Variants in PDE10A observed in about 807,000 individuals in gnomAD.
PDE10A encodes cAMP and cAMP-inhibited cGMP 3',5'-cyclic phosphodiesterase 10A.
A neutral mutation model predicts 97.7 loss-of-function variants in PDE10A; 39 were observed. The observed-to-expected ratio is 0.40, with a 90% CI of 0.31 to 0.52. The LOEUF (loss-of-function observed/expected upper bound fraction) is 0.52. Ranked by LOEUF, PDE10A falls within the 20% of genes least tolerant of loss-of-function variation. The pLI, the probability that PDE10A is intolerant of heterozygous loss-of-function variation, is 0.56. For missense variants in PDE10A, 731 were observed against 1,047.8 expected, an observed-to-expected ratio of 0.70 and a Z score of 4.17; for synonymous variants, 371 against 376.8, an observed-to-expected ratio of 0.98 and a Z score of 0.18.
chr6:165,707,238 CA>C (rs1791732720), intron 1 of PDE10A, among the ~76,000 whole-genome samples: 2 of 152,226 alleles, frequency 1.3e-5, no homozygotes, highest in Non-Finnish European at 2.9e-5. Context: ...GCGGCTCCCC[CA>C]GTCCCGCCCT....
intron 1 of PDE10A, among the ~76,000 whole-genome samples, chr6:165,890,961 TTCC>T (rs915181864): frequency 6.6e-6 from 1 of 152,218 alleles, no homozygotes; most frequent in Non-Finnish European, 1.5e-5. Context: ...CTCTCTCAAA[TTCC>T]ACAAGATAAC....
At chr6:165,758,486 G>GAGAAAGAAGAAAGA (rs201748235) in intron 1 of PDE10A, among the ~76,000 whole-genome samples, 8 of 138,350 alleles carry the variant, frequency 5.8e-5, no homozygotes, top group African/African-American at 2.2e-4. Flanking sequence ...AAGAAGAAAG[G>GAGAAAGAAGAAAGA]AGAAAGAAGA....
intron 1 of PDE10A, among the ~76,000 whole-genome samples, chr6:165,841,155 C>T (rs1562763450): frequency 6.6e-6 from 1 of 152,352 alleles, no homozygotes; most frequent in East Asian, 1.9e-4. Flanking sequence ...TTTCAATCTA[C>T]TTTTGGAGTG....
intron 1 of PDE10A, among the ~76,000 whole-genome samples, chr6:165,740,316 AAGAGAG>A (rs60010542): frequency 0.032 from 4,669 of 146,610 alleles, 220 homozygotes; most frequent in African/African-American, 0.1. Context: ...TATGGAGAGA[AAGAGAG>A]AGAGAGAGAG....
chr6:165,874,914 A>C (rs1282457990), intron 1 of PDE10A, among the ~76,000 whole-genome samples: 3 of 152,184 alleles, frequency 2.0e-5, no homozygotes, highest in Non-Finnish European at 4.4e-5. Context: ...TAATCTGAGA[A>C]AGGACACTGG....
chr6:165,941,716 C>T (rs1783529620), intron 1 of PDE10A, among the ~76,000 whole-genome samples: 1 of 152,200 alleles, frequency 6.6e-6, no homozygotes, highest in South Asian at 2.1e-4. Flanking sequence ...CTTCCTGAGG[C>T]CTCCCTAAAA....
At chr6:165,802,299 C>T (rs1314914361) in intron 1 of PDE10A, among the ~76,000 whole-genome samples, 2 of 152,348 alleles carry the variant, frequency 1.3e-5, no homozygotes, top group African/African-American at 4.8e-5. Flanking sequence ...CCCTCCCATG[C>T]TTCATCCATC....
chr6:165,659,795 C>G (rs948123073), intron 1 of PDE10A, among the ~76,000 whole-genome samples: 3 of 152,154 alleles, frequency 2.0e-5, no homozygotes, highest in Non-Finnish European at 2.9e-5. Flanking sequence ...GTATTGTGTT[C>G]CTAAAGGGAG....
chr6:165,905,594 A>T (rs1782238289), intron 1 of PDE10A, among the ~76,000 whole-genome samples: 1 of 152,162 alleles, frequency 6.6e-6, no homozygotes, highest in South Asian at 2.1e-4. Flanking sequence ...ATATATTTTA[A>T]ATCGCCATTT....
chr6:165,625,356 G>GGAGTCCACAAGACTTGCTGTCTGGT (rs1788334035), intron 1 of PDE10A, among the ~76,000 whole-genome samples: 3 of 152,214 alleles, frequency 2.0e-5, no homozygotes. Flanking sequence ...GGGTGAAGCT[G>GGAGTCCACAAGACTTGCTGTCTGGT]GAGTCCACAA....
rs919147791 is a variant in PDE10A, at chr6:165,875,499, C to T, written c.-615+112030G>A. Among the ~76,000 whole-genome samples the T allele has an allele frequency of 7.2e-5, 11 of 152,072 alleles. No homozygotes were observed. In the East Asian group the frequency reaches 1.2e-3, roughly 16 times the overall value. The stretch of plus-strand genomic sequence containing the variant: ...TTCAGAGGGAATTATCTTATCAGCC[C>T]GAAAATGATTTCAATTTTAAATGCC... On this transcript the variant is annotated intron_variant, in intron 1 of 19. Coordinates refer to the PDE10A transcript ENST00000366882.
intron 1 of PDE10A, among the ~76,000 whole-genome samples, chr6:165,972,425 T>C (rs1014954229): frequency 6.6e-6 from 1 of 152,116 alleles, no homozygotes; most frequent in Non-Finnish European, 1.5e-5. Context: ...GTATGACCTA[T>C]GGCTGAGATG....
intron 1 of PDE10A, among the ~76,000 whole-genome samples, chr6:165,608,935 C>T (rs1787359339): frequency 6.6e-6 from 1 of 152,206 alleles, no homozygotes; most frequent in South Asian, 2.1e-4. Context: ...TGTTCATATC[C>T]TTCACCCACT....
rs577441396 is a variant in PDE10A at position 165,586,029 on chromosome 6, C to T, written c.866-42461G>A. On this transcript the variant is annotated intron_variant, in intron 1 of 21. Transcript: ENST00000539869. ...CCATACCCCATACCCCACAGTTCACCAATGTATAGTCAATCACTAATCAAT... is the reference window on the plus strand; with the variant it reads ...CCATACCCCATACCCCACAGTTCACTAATGTATAGTCAATCACTAATCAAT... Among the ~76,000 whole-genome samples the T allele has an allele frequency of 8.4e-4, 128 of 152,284 alleles. 5 individuals carry two copies. The South Asian group carries it at 0.026, about 31-fold the overall frequency.
intron 17 of PDE10A, among the ~76,000 whole-genome samples, chr6:165,387,333 G>A (rs1785381079): frequency 6.6e-6 from 1 of 152,180 alleles, no homozygotes; most frequent in African/African-American, 2.4e-5. Context: ...GGACAGGTCA[G>A]TTTTGCTGGG....
chr6:165,458,873 A>T (rs1778123536), intron 3 of PDE10A, among the ~76,000 whole-genome samples: 1 of 152,100 alleles, frequency 6.6e-6, no homozygotes, highest in Admixed American at 6.5e-5. Context: ...AAAAACCCAC[A>T]TTCACAGTTC....
At chr6:165,842,885 C>A (rs534936159) in intron 1 of PDE10A, among the ~76,000 whole-genome samples, 1 of 152,340 alleles carries the variant, frequency 6.6e-6, no homozygotes, top group South Asian at 2.1e-4. Context: ...GAGTTAGCCT[C>A]GGACTAACCT....
chr6:165,524,142 G>C (rs565296674), intron 2 of PDE10A, among the ~76,000 whole-genome samples: 1 of 152,272 alleles, frequency 6.6e-6, no homozygotes, highest in East Asian at 1.9e-4. Flanking sequence ...TCAGCCGGCA[G>C]AGGGCCTATT....
At chr6:165,413,919 T>G (rs1291312723) in intron 12 of PDE10A, among the ~76,000 whole-genome samples, 3 of 152,188 alleles carry the variant, frequency 2.0e-5, no homozygotes, top group Admixed American at 6.5e-5. Flanking sequence ...CCAAGTGAGT[T>G]TTCTAGGATA....
Sources: gnomAD v4.1 joint callset for allele counts (sites outside exome capture counted in the v4.1 genomes callset) on GRCh38, gnomAD v4.1.1 for gene constraint, MANE v1.5 for transcripts, NCBI Gene and HGNC (gene_info 2026-07-23, HGNC 2026-07-21) for gene names.